The following MYO16 variants were observed in gnomAD, a reference collection of about 807,000 sequenced individuals.
The protein encoded by MYO16 is myosin XVI, also known as unconventional myosin-XVI.
A neutral mutation model predicts 205.3 loss-of-function variants in MYO16; 94 were observed. That is an observed-to-expected ratio of 0.46 (90% CI 0.39 to 0.54). MYO16 has a LOEUF of 0.54. Among genes scored for constraint, MYO16 ranks in the 20% least tolerant of loss-of-function variants. MYO16 has a pLI of 0.00. For synonymous variants in MYO16, 988 were observed against 954.0 expected (o/e 1.04, Z -0.66); for missense variants, 2,315 against 2,387.5 (o/e 0.97, Z 0.63).
the MYO16 span, among the ~76,000 whole-genome samples, chr13:108,519,626 TACACACAC>T: frequency 9.2e-6 from 1 of 108,434 alleles, no homozygotes; most frequent in African/African-American, 5.7e-5. Context: ...ATATGCAAAA[TACACACAC>T]ACACACACAC....
chr13:108,571,514 A>C, the MYO16 span, among the ~76,000 whole-genome samples: 3 of 152,138 alleles, frequency 2.0e-5, no homozygotes, highest in Admixed American at 6.5e-5. Context: ...CCAATATTAA[A>C]ATGTATTTTT....
intron 5 of MYO16, among the ~76,000 whole-genome samples, chr13:108,790,264 T>G (rs1333505582): frequency 6.6e-6 from 1 of 152,184 alleles, no homozygotes; most frequent in Non-Finnish European, 1.5e-5. Context: ...GAGGGACGGT[T>G]AAGGGAAGTT....
chr13:109,133,071 C>T (rs1030998072), intron 31 of MYO16, among the ~76,000 whole-genome samples: 3 of 152,172 alleles, frequency 2.0e-5, no homozygotes, highest in African/African-American at 4.8e-5. Flanking sequence ...TTGCCTGAAC[C>T]GCTCCTCCCA....
At chr13:108,495,952 C>T in the MYO16 span, among the ~76,000 whole-genome samples, 2 of 151,982 alleles carry the variant, frequency 1.3e-5, no homozygotes, top group Non-Finnish European at 2.9e-5. Flanking sequence ...GCGCTGCGCG[C>T]GGTCCAAGCG....
chr13:108,660,902 T>C (rs1881473313), intron 1 of MYO16, among the ~76,000 whole-genome samples: 1 of 152,236 alleles, frequency 6.6e-6, no homozygotes, highest in African/African-American at 2.4e-5. Context: ...GTGTGCTTTA[T>C]GCTTTAAAGA....
the MYO16 span, among the ~76,000 whole-genome samples, chr13:108,539,194 T>G: frequency 6.6e-6 from 1 of 152,274 alleles, no homozygotes; most frequent in African/African-American, 2.4e-5. Flanking sequence ...CCAAAAATTC[T>G]TTTGAAGAAA....
chr13:108,933,628 T>C (rs1233784518), intron 16 of MYO16, among the ~76,000 whole-genome samples: 1 of 152,108 alleles, frequency 6.6e-6, no homozygotes, highest in Non-Finnish European at 1.5e-5. Context: ...ATTTGTGGAG[T>C]ACCTGTGCAG....
chr13:109,135,932 A>AT (rs1417394111), intron 31 of MYO16, among the ~76,000 whole-genome samples: 1 of 151,656 alleles, frequency 6.6e-6, no homozygotes, highest in African/African-American at 2.4e-5. Flanking sequence ...CCCCTCCTTG[A>AT]TTTTTTCTGT....
chr13:108,577,386 T>C, the MYO16 span, among the ~76,000 whole-genome samples: 2 of 152,174 alleles, frequency 1.3e-5, no homozygotes, highest in South Asian at 4.1e-4. Context: ...CCTTACCATG[T>C]TGTTGTGTGC....
Position 109,162,015 on chromosome 13 carries a change from A to G in MYO16, c.5165-2886A>G, listed in dbSNP as rs1000257859. On this transcript the variant is annotated intron_variant, in intron 32 of 34. Coordinates refer to ENST00000457511, the MANE Select transcript of MYO16 (RefSeq NM_001198950.3). This position sits in a 1 kb window ranked among gnomAD's most constrained non-coding sequence, Gnocchi z 4.6. ...GAGGCAGGAGAATCTCCCAGGAGGC[A>G]GAGGTTGCAGGGAGCTGAGATCGTG... Among the ~76,000 whole-genome samples the G allele has an allele frequency of 1.3e-5, 2 of 152,202 alleles. No homozygotes were observed. The highest frequency in any genetic ancestry group is 1.3e-4 in the Admixed American group (2 of 15,278).
intron 1 of MYO16, among the ~76,000 whole-genome samples, chr13:108,624,597 A>G (rs375672886): frequency 6.6e-6 from 1 of 152,212 alleles, no homozygotes; most frequent in East Asian, 1.9e-4. Context: ...GAAAGATTTC[A>G]AAGTGGTTGT....
At chr13:108,843,649 A>T (rs1316594578) in intron 9 of MYO16, among the ~76,000 whole-genome samples, 1 of 152,208 alleles carries the variant, frequency 6.6e-6, no homozygotes, top group African/African-American at 2.4e-5. Context: ...TTTAGGAGGC[A>T]CATTTTTAAA....
rs58487713 is a variant in MYO16 at position 108,838,678 on chromosome 13, A to AAAAT, written c.1098-5664_1098-5663insAATA. 3.6e-3 allele frequency among the ~76,000 whole-genome samples: 453 copies of AAAAT among 124,752 alleles called. 16 individuals carry two copies. The highest frequency in any genetic ancestry group is 0.032 in the Admixed American group (370 of 11,576). The allele number at this position is 124,752 out of a possible 152,430, so 81.8% of individuals were successfully genotyped here. Reference sequence around the variant, plus strand: ...GTGAGACTGTCTCAAAAAAAAAAAAAATATATATATATACACACACACACA... The same window carrying AAAAT: ...GTGAGACTGTCTCAAAAAAAAAAAAAAAATATATATATATATACACACACACACA... On this transcript the variant is annotated intron_variant, in intron 9 of 34. Coordinates refer to ENST00000457511, the MANE Select transcript of MYO16 (RefSeq NM_001198950.3).
chr13:109,157,884 C>T (rs1312834807), intron 32 of MYO16, among the ~76,000 whole-genome samples: 3 of 152,130 alleles, frequency 2.0e-5, no homozygotes, highest in African/African-American at 4.8e-5. Context: ...CTTACCCGGT[C>T]GTCATAAATT....
In MYO16 at chr13:109,141,282, C is replaced by T. The variant is rs781090382; in HGVS notation, c.5070C>T (p.Leu1690=). The change falls in exon 32 of 35, where the codon CTC becomes CTT. Residue 1690 remains leucine, a synonymous_variant. Transcript: ENST00000457511. The surrounding 1 kb of genome is among the most constrained non-coding windows in gnomAD (Gnocchi z 4.1). ...ACAGCCCTCCCAGCTCCAGGCCTCT[C>T]AGCAGCCCCCTGGACGAGCTCGCCA... ...APYSPPSSRP[L]SSPLDELASL... The T allele has an allele frequency of 3.8e-6, 6 of 1,599,126 alleles. No homozygotes were observed. In the East Asian group the frequency reaches 1.2e-4, roughly 31 times the overall value.
the MYO16 span, among the ~76,000 whole-genome samples, chr13:108,521,423 T>C: frequency 2.5e-3 from 376 of 152,368 alleles, no homozygotes; most frequent in African/African-American, 8.5e-3. Flanking sequence ...GAGCAAACAA[T>C]GGAAACTTTA....
In MYO16 at chr13:108,831,139, C is replaced by T. The variant is rs148822663; in HGVS notation, c.1097+7861C>T. 1.8e-4 allele frequency among the ~76,000 whole-genome samples: 27 copies of T among 152,124 alleles called. No individual in the cohort carries two copies. In the Middle Eastern group the frequency reaches 0.014, roughly 77 times the overall value. On this transcript the variant is annotated intron_variant, in intron 9 of 34. Coordinates refer to ENST00000457511, the MANE Select transcript of MYO16 (RefSeq NM_001198950.3). ...CTCATGACTTAGTCACCTCGTAAAACCCCTACTTCTTAATGCTATCACTTT... is the reference window on the plus strand; with the variant it reads ...CTCATGACTTAGTCACCTCGTAAAATCCCTACTTCTTAATGCTATCACTTT...
At chr13:109,024,062 A>T (rs1886274683) in intron 23 of MYO16, among the ~76,000 whole-genome samples, 1 of 146,130 alleles carries the variant, frequency 6.8e-6, no homozygotes, top group African/African-American at 2.5e-5. Context: ...ATTCTCATAT[A>T]TTTATTTAAA....
chr13:109,170,444 A>G lies in MYO16; in HGVS notation c.5323+5385A>G, dbSNP rs145377505. On this transcript the variant is annotated intron_variant, in intron 33 of 34. Transcript: ENST00000457511. Reference sequence around the variant, plus strand: ...GCAATTTCATTTGGAGGGGAAGGCCAGTAGCGATTTGGAGAGATGACTACA... The same window carrying G: ...GCAATTTCATTTGGAGGGGAAGGCCGGTAGCGATTTGGAGAGATGACTACA... Among the ~76,000 whole-genome samples, 310 of 152,256 alleles carry G rather than the reference A, an allele frequency of 2.0e-3. 1 individual carries two copies. The highest frequency in any genetic ancestry group is 7.1e-3 in the African/African-American group (295 of 41,554).
Sources: allele counts gnomAD v4.1 joint callset (sites outside exome capture counted in the v4.1 genomes callset), GRCh38; gene constraint gnomAD v4.1.1; non-coding constraint Gnocchi (gnomAD v3.1); transcripts MANE v1.5; gene names NCBI Gene and HGNC (gene_info 2026-07-23, HGNC 2026-07-21).